Variants in FILIP1 observed in about 807,000 individuals in gnomAD.
The protein encoded by FILIP1 is filamin-A-interacting protein 1.
Under a neutral mutation model 102.1 loss-of-function variants are expected in FILIP1, and 61 were observed. That is an observed-to-expected ratio of 0.60 (90% confidence interval 0.49 to 0.74). FILIP1 has a LOEUF of 0.74. Among genes scored for constraint, FILIP1 ranks in the 30% least tolerant of loss-of-function variants. The pLI is 0.00. For synonymous variants in FILIP1, 491 were observed against 526.9 expected (o/e 0.93, Z 0.93); for missense variants, 1,314 against 1,441.2 (o/e 0.91, Z 1.43).
chr6:75,488,427 T>A (rs1184163270), intron 1 of FILIP1, among the ~76,000 whole-genome samples: 2 of 151,048 alleles, frequency 1.3e-5, no homozygotes, highest in African/African-American at 2.4e-5. Context: ...AGCTAAAACA[T>A]AGACTGACCA....
At chr6:75,486,719 AG>A (rs1183035930) in intron 1 of FILIP1, among the ~76,000 whole-genome samples, 1 of 152,184 alleles carries the variant, frequency 6.6e-6, no homozygotes, top group African/African-American at 2.4e-5. Flanking sequence ...TGATAAAAAT[AG>A]TACCTCATAG....
chr6:75,412,598 C>T (rs1246749429), intron 2 of FILIP1, among the ~76,000 whole-genome samples: 4 of 152,090 alleles, frequency 2.6e-5, no homozygotes, highest in Admixed American at 2.6e-4. Flanking sequence ...TAACTCCCTC[C>T]CACTCTTAGC....
intron 4 of FILIP1, among the ~76,000 whole-genome samples, chr6:75,351,201 T>A (rs1774791350): frequency 6.6e-6 from 1 of 152,120 alleles, no homozygotes; most frequent in Non-Finnish European, 1.5e-5. Context: ...GTAGCTGGGA[T>A]TACAGGTGCA....
chr6:75,353,334 TA>T (rs1450576856), intron 4 of FILIP1, among the ~76,000 whole-genome samples: 2 of 152,342 alleles, frequency 1.3e-5, no homozygotes, highest in East Asian at 3.9e-4. Context: ...GCCCTACCTA[TA>T]TGCAACCCCC....
chr6:75,492,139 C>T (rs76859929), intron 1 of FILIP1, among the ~76,000 whole-genome samples: 172 of 152,230 alleles, frequency 1.1e-3, no homozygotes, highest in East Asian at 5.2e-3. Flanking sequence ...ATATGTGATT[C>T]GCTTATGTAC....
intron 6 of FILIP1, among the ~76,000 whole-genome samples, chr6:75,302,823 C>CATTATGAT (rs141657918): frequency 1.3e-5 from 2 of 149,100 alleles, no homozygotes; most frequent in Non-Finnish European, 1.5e-5. Flanking sequence ...TATGATATGA[C>CATTATGAT]ATGATATGAT....
intron 1 of FILIP1, among the ~76,000 whole-genome samples, chr6:75,485,368 G>C (rs1042239496): frequency 1.3e-5 from 2 of 152,130 alleles, no homozygotes; most frequent in Admixed American, 6.6e-5. Flanking sequence ...GTGTGTTTGG[G>C]GATGGGGAGT....
At chr6:75,458,202 G>A (rs1051173763) in intron 1 of FILIP1, 1 of 152,114 alleles carries the variant, frequency 6.6e-6, no homozygotes, top group Admixed American at 6.6e-5. Context: ...AGACATTTGG[G>A]GATGTCAAAA....
At chr6:75,463,238 C>G (rs1159275787) in intron 1 of FILIP1, among the ~76,000 whole-genome samples, 1 of 152,158 alleles carries the variant, frequency 6.6e-6, no homozygotes, top group Non-Finnish European at 1.5e-5. Flanking sequence ...CCCCCTTTCC[C>G]TAACTTCTAA....
chr6:75,389,748 T>C (rs1015108614), intron 2 of FILIP1, among the ~76,000 whole-genome samples: 1 of 152,158 alleles, frequency 6.6e-6, no homozygotes. Context: ...TGTGTTTATT[T>C]GATTCTTCTC....
intron 1 of FILIP1, among the ~76,000 whole-genome samples, chr6:75,416,047 C>G (rs529626201): frequency 1.3e-5 from 2 of 152,226 alleles, no homozygotes; most frequent in East Asian, 3.9e-4. Flanking sequence ...TAAAAACTCA[C>G]AGTATAAATA....
intron 2 of FILIP1, among the ~76,000 whole-genome samples, chr6:75,369,117 C>T (rs1205001308): frequency 6.6e-6 from 1 of 152,178 alleles, no homozygotes; most frequent in Non-Finnish European, 1.5e-5. Flanking sequence ...TTTGTTGCCT[C>T]AGAGGTTTTT....
intron 1 of FILIP1, among the ~76,000 whole-genome samples, chr6:75,479,258 A>C (rs1039433485): frequency 6.6e-6 from 1 of 152,192 alleles, no homozygotes; most frequent in African/African-American, 2.4e-5. Flanking sequence ...GCATGTGTTT[A>C]GATTTTTTTA....
At chr6:75,445,578 T>C (rs1212193535) in intron 1 of FILIP1, among the ~76,000 whole-genome samples, 2 of 152,172 alleles carry the variant, frequency 1.3e-5, no homozygotes, top group Admixed American at 6.5e-5. Flanking sequence ...CCATGTTTAT[T>C]TGAGCATGTG....
At chr6:75,347,725 C>G (rs1167776020) in intron 4 of FILIP1, among the ~76,000 whole-genome samples, 1 of 152,120 alleles carries the variant, frequency 6.6e-6, no homozygotes, top group African/African-American at 2.4e-5. Flanking sequence ...CATTCCCCCA[C>G]ATAGGACAGT....
intron 1 of FILIP1, among the ~76,000 whole-genome samples, chr6:75,480,301 G>GTATTAAAAATGTACACCATTTTTATA (rs1554217894): frequency 1.3e-5 from 2 of 151,312 alleles, no homozygotes; most frequent in Admixed American, 6.6e-5. Flanking sequence ...CATTTTTATA[G>GTATTAAAAATGTACACCATTTTTATA]GTATATACTT....
chr6:75,431,144 T>C (rs1777809786), intron 1 of FILIP1, among the ~76,000 whole-genome samples: 1 of 152,164 alleles, frequency 6.6e-6, no homozygotes, highest in Non-Finnish European at 1.5e-5. Context: ...GCGGTAGCCA[T>C]GGTAACTAAA....
chr6:75,392,589 G>T (rs2703715), intron 2 of FILIP1, among the ~76,000 whole-genome samples: 112,186 of 152,046 alleles, frequency 0.74, 41,878 homozygotes, highest in African/African-American at 0.86. Context: ...CAACCTGCCA[G>T]CAAATACAAT....
intron 1 of FILIP1, among the ~76,000 whole-genome samples, chr6:75,476,481 A>G (rs1779478498): frequency 6.6e-6 from 1 of 152,190 alleles, no homozygotes; most frequent in East Asian, 1.9e-4. Flanking sequence ...CAAGTCAACC[A>G]CTATTAATAA....
Sources: gnomAD v4.1 joint callset for allele counts (sites outside exome capture counted in the v4.1 genomes callset) on GRCh38, gnomAD v4.1.1 for gene constraint, MANE v1.5 for transcripts, NCBI Gene and HGNC (gene_info 2026-07-23, HGNC 2026-07-21) for gene names.